HDLBP: variants seen among roughly 807,000 people sequenced by gnomAD.
HDLBP encodes vigilin.
In HDLBP, 30 loss-of-function variants were observed where a neutral mutation model predicts 137.3. The observed-to-expected ratio is 0.22, with a 90% CI of 0.16 to 0.30. The LOEUF (loss-of-function observed/expected upper bound fraction) is 0.30. Ranked by LOEUF, HDLBP falls within the 10% of genes least tolerant of loss-of-function variation. HDLBP has a pLI of 1.00. For missense variants in HDLBP, 1,119 were observed against 1,667.3 expected (o/e 0.67, Z 5.73); for synonymous variants, 606 against 596.0 (o/e 1.02, Z -0.24).
At chr2:241,253,366 C>T (rs146625187) in intron 10 of HDLBP, 27 bp downstream of exon 10, 11 of 1,464,508 alleles carry the variant, frequency 7.5e-6, no homozygotes, top group Non-Finnish European at 1.1e-5. Context: ...GTCACCAGCA[C>T]ACACAACATT....
Position 241,229,496 on chromosome 2 carries a change from G to T in HDLBP, c.*105C>A, listed in dbSNP as rs1019841890. On this transcript the variant is annotated 3_prime_UTR_variant, in exon 28 of 28. Coordinates refer to ENST00000310931, the MANE Select transcript of HDLBP (RefSeq NM_005336.6). ...CGGGACCTCGGGAAGGGGGAAGAGC[G>T]TCAACAATTTACGGAGGGTCCAGCC... 4.9e-6 allele frequency: 4 copies of T among 820,764 alleles called. No individual in the cohort carries two copies. The East Asian group carries it at 1.1e-4, about 22-fold the overall frequency. 50.8% of individuals were successfully genotyped at this position (820,764 alleles called of 1,614,324 possible). A position where few individuals can be genotyped will look rare whatever the true frequency, so the allele number is the denominator to read the frequency against.
At chr2:241,238,000 G>A (rs115961722) in intron 20 of HDLBP, among the ~76,000 whole-genome samples, 139 of 152,346 alleles carry the variant, frequency 9.1e-4, no homozygotes, top group Non-Finnish European at 1.4e-3. Context: ...GCCACCTGCC[G>A]CCCAAACAGC....
chr2:241,272,499 G>C lies in HDLBP; in HGVS notation c.-102-3958C>G, dbSNP rs1302360046. 1 of 984,360 alleles carries C rather than the reference G, an allele frequency of 1.0e-6. No homozygotes were observed. Among genetic ancestry groups the C allele is most frequent in the Admixed American group, 6.2e-5 (1 of 16,196 alleles). 61.0% of individuals were successfully genotyped at this position (984,360 alleles called of 1,614,324 possible). A position where few individuals can be genotyped will look rare whatever the true frequency, so the allele number is the denominator to read the frequency against. On this transcript the variant is annotated intron_variant, in intron 1 of 27. Transcript: ENST00000310931. This position sits in a 1 kb window ranked among gnomAD's most constrained non-coding sequence, Gnocchi z 5.6. ...GGCGCCACCGGACTTGAGAAAGTTTGTGCGCGCCCCTCCGCGCCACGGCCA... is the reference window on the plus strand; with the variant it reads ...GGCGCCACCGGACTTGAGAAAGTTTCTGCGCGCCCCTCCGCGCCACGGCCA...
intron 2 of HDLBP, chr2:241,267,749 C>A (rs1221389869): frequency 6.5e-7 from 1 of 1,527,894 alleles, no homozygotes; most frequent in African/African-American, 1.4e-5. Context: ...TTTGTAGCAA[C>A]AGTAACAGAC....
At chr2:241,304,518 A>G (rs529196246) in intron 1 of HDLBP, among the ~76,000 whole-genome samples, 1 of 152,376 alleles carries the variant, frequency 6.6e-6, no homozygotes, top group East Asian at 1.9e-4. Context: ...AGGTTACTGC[A>G]GAGATAGGCC....
At chr2:241,306,878 T>C (rs2075595365) in intron 1 of HDLBP, among the ~76,000 whole-genome samples, 1 of 142,170 alleles carries the variant, frequency 7.0e-6, no homozygotes, top group Non-Finnish European at 1.5e-5. Context: ...AGAGACTCTG[T>C]CTCAATAAAT....
intron 20 of HDLBP, 141 bp from the exon 21 acceptor site, chr2:241,236,910 T>C (rs2070553738): frequency 1.3e-6 from 1 of 746,300 alleles, no homozygotes; most frequent in South Asian, 1.7e-5. Flanking sequence ...CTTCAGGAGG[T>C]CTTGGTCTGG....
chr2:241,300,725 C>T (rs951450183), intron 1 of HDLBP, among the ~76,000 whole-genome samples: 1 of 152,152 alleles, frequency 6.6e-6, no homozygotes, highest in Non-Finnish European at 1.5e-5. Flanking sequence ...CCAGGTCCTC[C>T]TCTCTCTGAG....
intron 3 of HDLBP, 42 bp downstream of exon 3, chr2:241,266,752 G>T: frequency 8.0e-7 from 1 of 1,250,478 alleles, no homozygotes; most frequent in Non-Finnish European, 1.2e-6. Context: ...AGGGAGCAAT[G>T]CCTTAGACAT....
At chr2:241,234,465 G>A (rs2070162580) in intron 23 of HDLBP, among the ~76,000 whole-genome samples, 1 of 152,218 alleles carries the variant, frequency 6.6e-6, no homozygotes, top group Non-Finnish European at 1.5e-5. Context: ...CTGACACCAT[G>A]TGAGGTTCAC....
In HDLBP at chr2:241,255,507, T is replaced by C; in HGVS notation, c.947A>G (p.Asn316Ser). ...QHKYVIGPKG[N>S]SLQEILERTG... ...TCTCTCAAGGATCTCCTGCAATGAATTGCCCTTGGGCCCAATGACATACTT... is the reference window on the plus strand; with the variant it reads ...TCTCTCAAGGATCTCCTGCAATGAACTGCCCTTGGGCCCAATGACATACTT... The change falls in exon 8 of 28, where the codon AAT becomes AGT. Residue 316 changes from asparagine to serine, a missense_variant. Asn to Ser is a conservative substitution (Grantham distance 46, BLOSUM62 1). Transcript: ENST00000310931. 6.2e-7 allele frequency: 1 copy of C among 1,614,054 alleles called. No individual in the cohort carries two copies. The highest frequency in any genetic ancestry group is 1.3e-5 in the African/African-American group (1 of 75,044).
In HDLBP at chr2:241,228,507, A is replaced by G. The variant is rs771157466; in HGVS notation, c.*1094T>C. 7 of 152,366 alleles carry G rather than the reference A, an allele frequency of 4.6e-5. No homozygotes were observed. The highest frequency in any genetic ancestry group is 1.0e-4 in the Non-Finnish European group (7 of 68,080). The allele number at this position is 152,366 out of a possible 1,614,324, so 9.4% of individuals were successfully genotyped here. On this transcript the variant is annotated 3_prime_UTR_variant, in exon 28 of 28. Transcript: ENST00000310931. ...GGGCGGGGTGGAAGTGCCCACTCCC[A>G]CTCCAGATGGGCCTGCTGGCCACTG...
chr2:241,266,646 G>A (rs143327167), intron 3 of HDLBP, 148 bp downstream of exon 3: 31 of 637,314 alleles, frequency 4.9e-5, no homozygotes, highest in Middle Eastern at 5.2e-4. Context: ...ACAGCAATGC[G>A]AAAACAGTGC....
intron 7 of HDLBP, 104 bp downstream of exon 7, chr2:241,256,080 G>T: frequency 3.2e-6 from 3 of 942,740 alleles, no homozygotes; most frequent in African/African-American, 1.6e-5. Context: ...TCTTCATCAA[G>T]GACAAAAAGA....
intron 1 of HDLBP, among the ~76,000 whole-genome samples, chr2:241,297,850 C>T (rs2075239413): frequency 6.6e-6 from 1 of 151,618 alleles, no homozygotes; most frequent in Non-Finnish European, 1.5e-5. Context: ...GTCAGGAGTT[C>T]AAGACCGGCC....
intron 8 of HDLBP, 93 bp from the exon 9 acceptor site, chr2:241,255,251 T>C: frequency 7.0e-7 from 1 of 1,434,070 alleles, no homozygotes; most frequent in Non-Finnish European, 9.8e-7. Flanking sequence ...AGAGGCACGC[T>C]CTCCCCAAAC....
At chr2:241,250,852 CAA>C (rs1288660079) in intron 11 of HDLBP, 1 of 151,704 alleles carries the variant, frequency 6.6e-6, no homozygotes. Flanking sequence ...CGAAAGAAGA[CAA>C]GAGTTAGGAA....
chr2:241,244,629 A>G (rs746847425), intron 16 of HDLBP, among the ~76,000 whole-genome samples: 1 of 152,244 alleles, frequency 6.6e-6, no homozygotes, highest in African/African-American at 2.4e-5. Context: ...GCAGACATAC[A>G]GAATGTGAAA....
intron 1 of HDLBP, among the ~76,000 whole-genome samples, chr2:241,307,376 C>T (rs1308534709): frequency 2.0e-5 from 3 of 152,196 alleles, no homozygotes; most frequent in Admixed American, 6.5e-5. Context: ...GAGAGACCTG[C>T]GGTCATAGCA....
Sources: gnomAD v4.1 joint callset for allele counts (sites outside exome capture counted in the v4.1 genomes callset) on GRCh38, gnomAD v4.1.1 for gene constraint, Gnocchi (gnomAD v3.1) non-coding constraint, MANE v1.5 for transcripts, NCBI Gene and HGNC (gene_info 2026-07-23, HGNC 2026-07-21) for gene names.